The following IGSF10 variants were observed in gnomAD, a reference collection of about 807,000 sequenced individuals.
IGSF10 encodes the protein immunoglobulin superfamily member 10, also known as calvaria mechanical force protein 608.
A neutral mutation model predicts 128.2 loss-of-function variants in IGSF10; 126 were observed. That is an observed-to-expected ratio of 0.98 (90% confidence interval 0.85 to 1.14). The LOEUF is 1.14. IGSF10 is among the 50% of genes most tolerant of loss of function. The pLI, the probability that IGSF10 is intolerant of heterozygous loss-of-function variation, is 0.00. For missense variants in IGSF10, 3,295 were observed against 3,149.8 expected, an observed-to-expected ratio of 1.05 and a Z score of -1.10; for synonymous variants, 1,185 against 1,146.2, an observed-to-expected ratio of 1.03 and a Z score of -0.68.
At chr3:151,596,865 G>A in the IGSF10 span, among the ~76,000 whole-genome samples, 2 of 152,174 alleles carry the variant, frequency 1.3e-5, no homozygotes. Context: ...GTTTGAAATC[G>A]CAAGCAAGGT....
chr3:151,541,627 A>G, the IGSF10 span, among the ~76,000 whole-genome samples: 17 of 150,914 alleles, frequency 1.1e-4, no homozygotes, highest in Non-Finnish European at 2.1e-4. Context: ...CTCTCTCTGC[A>G]TATGTTTTAG....
At chr3:151,435,788 G>A (rs1270697654), downstream of IGSF10, 2 of 152,026 alleles carry the variant, frequency 1.3e-5, no homozygotes, top group Non-Finnish European at 2.9e-5. Flanking sequence ...CACATTTTGT[G>A]TAGGATTGAT....
At chr3:151,530,041 A>C in the IGSF10 span, among the ~76,000 whole-genome samples, 1 of 151,942 alleles carries the variant, frequency 6.6e-6, no homozygotes. Context: ...TGAAAAACAC[A>C]GCACGAGAAC....
At chr3:151,545,364 G>A in the IGSF10 span, among the ~76,000 whole-genome samples, 1 of 152,234 alleles carries the variant, frequency 6.6e-6, no homozygotes, top group Admixed American at 6.5e-5. Flanking sequence ...TCATGTAGGA[G>A]ATACTAAGAG....
chr3:151,575,143 G>A, the IGSF10 span, among the ~76,000 whole-genome samples: 1 of 152,316 alleles, frequency 6.6e-6, no homozygotes, highest in Non-Finnish European at 1.5e-5. Context: ...CCTGTATGAG[G>A]TGTCAGTCAG....
At chr3:151,463,405 C>T (rs144625121), upstream of IGSF10, among the ~76,000 whole-genome samples, 111 of 151,848 alleles carry the variant, frequency 7.3e-4, 1 homozygote, top group East Asian at 0.019. Flanking sequence ...TAAAATTATA[C>T]CAGTTTTTCA....
At chr3:151,487,955 A>G in the IGSF10 span, among the ~76,000 whole-genome samples, 1 of 152,318 alleles carries the variant, frequency 6.6e-6, no homozygotes, top group Non-Finnish European at 1.5e-5. Flanking sequence ...CTCCTATTAA[A>G]CATAGTATTG....
chr3:151,553,636 A>G, the IGSF10 span, among the ~76,000 whole-genome samples: 3 of 151,110 alleles, frequency 2.0e-5, no homozygotes, highest in South Asian at 6.3e-4. Context: ...CTCTCTTTCT[A>G]TATATATACA....
the IGSF10 span, among the ~76,000 whole-genome samples, chr3:151,491,360 T>G: frequency 6.6e-6 from 1 of 152,066 alleles, no homozygotes; most frequent in Non-Finnish European, 1.5e-5. Context: ...GTGGATTACT[T>G]GAGGTCAGGA....
chr3:151,531,889 C>A, the IGSF10 span, among the ~76,000 whole-genome samples: 1,981 of 152,012 alleles, frequency 0.013, 92 homozygotes, highest in East Asian at 0.17. Context: ...ATCAATGAAC[C>A]CAGGAGCTGG....
At chr3:151,519,578 T>A in the IGSF10 span, among the ~76,000 whole-genome samples, 1 of 151,832 alleles carries the variant, frequency 6.6e-6, no homozygotes, top group East Asian at 1.9e-4. Context: ...TTGTTAAGAA[T>A]GTGGTTACTT....
chr3:151,546,823 C>T, the IGSF10 span, among the ~76,000 whole-genome samples: 78,074 of 151,814 alleles, frequency 0.51, 20,335 homozygotes, highest in South Asian at 0.58. Context: ...CAGGCTGAAG[C>T]GCAATGGTGC....
At chr3:151,540,428 T>A in the IGSF10 span, among the ~76,000 whole-genome samples, 13 of 152,158 alleles carry the variant, frequency 8.5e-5, no homozygotes, top group Non-Finnish European at 1.5e-4. Flanking sequence ...CTTAACATTA[T>A]TTTTTTGAGG....
At chr3:151,568,177 G>A in the IGSF10 span, among the ~76,000 whole-genome samples, 1 of 152,032 alleles carries the variant, frequency 6.6e-6, no homozygotes, top group Non-Finnish European at 1.5e-5. Context: ...AACAAAAAAA[G>A]TACTTTTTCC....
At chr3:151,476,031 C>CCTT in the IGSF10 span, 2 of 152,102 alleles carry the variant, frequency 1.3e-5, no homozygotes, top group Admixed American at 1.3e-4. Flanking sequence ...GTGGAGAAGA[C>CCTT]TACTTACATT....
the IGSF10 span, among the ~76,000 whole-genome samples, chr3:151,513,300 G>C: frequency 6.6e-6 from 1 of 151,786 alleles, no homozygotes; most frequent in South Asian, 2.1e-4. Flanking sequence ...GGGATGCAAG[G>C]CTGGTTCAAC....
chr3:151,575,414 G>A, the IGSF10 span, among the ~76,000 whole-genome samples: 1 of 151,122 alleles, frequency 6.6e-6, no homozygotes, highest in African/African-American at 2.4e-5. Flanking sequence ...TTTTTACCTA[G>A]TCAAGCCTCA....
chr3:151,608,092 C>T, the IGSF10 span, among the ~76,000 whole-genome samples: 1 of 151,652 alleles, frequency 6.6e-6, no homozygotes, highest in East Asian at 1.9e-4. Context: ...TTAAAAATAC[C>T]AGGGTAATAT....
At chr3:151,569,260 CGG>C in the IGSF10 span, among the ~76,000 whole-genome samples, 2 of 152,102 alleles carry the variant, frequency 1.3e-5, no homozygotes, top group Non-Finnish European at 2.9e-5. Flanking sequence ...TTAGTAGAGA[CGG>C]GGTGTCGCCA....
Sources: allele counts gnomAD v4.1 joint callset (sites outside exome capture counted in the v4.1 genomes callset), GRCh38; gene constraint gnomAD v4.1.1; transcripts MANE v1.5; gene names NCBI Gene and HGNC (gene_info 2026-07-23, HGNC 2026-07-21).